GRIK4: variants seen among roughly 807,000 people sequenced by gnomAD.
The protein encoded by GRIK4 is glutamate ionotropic receptor kainate type subunit 4, also known as glutamate receptor ionotropic, kainate 4.
Under a neutral mutation model 104.9 loss-of-function variants are expected in GRIK4, and 40 were observed. The observed-to-expected ratio is 0.38, with a 90% CI of 0.30 to 0.50. GRIK4 has a LOEUF of 0.50. GRIK4 is among the 20% of genes least tolerant of loss of function. GRIK4 has a pLI of 0.93. For synonymous variants in GRIK4, 485 were observed against 524.9 expected (o/e 0.92, Z 1.04); for missense variants, 1,047 against 1,308.1 (o/e 0.80, Z 3.08).
intron 3 of GRIK4, among the ~76,000 whole-genome samples, chr11:120,702,256 T>C (rs1950565859): frequency 6.7e-6 from 1 of 148,288 alleles, no homozygotes; most frequent in Non-Finnish European, 1.5e-5. Flanking sequence ...GCCTGGCGAC[T>C]CCAAGGTTTT....
At chr11:120,528,778 T>C (rs1246413548) in intron 1 of GRIK4, among the ~76,000 whole-genome samples, 1 of 152,104 alleles carries the variant, frequency 6.6e-6, no homozygotes, top group East Asian at 1.9e-4. Flanking sequence ...ATGAGATCTC[T>C]CATGAGATGC....
At chr11:120,907,717 C>T (rs930219648) in intron 13 of GRIK4, among the ~76,000 whole-genome samples, 1 of 151,934 alleles carries the variant, frequency 6.6e-6, no homozygotes, top group African/African-American at 2.4e-5. Context: ...GAGTGGAAGG[C>T]GTTGTAGGAG....
intron 1 of GRIK4, among the ~76,000 whole-genome samples, chr11:120,585,795 G>C (rs1948655649): frequency 6.6e-6 from 1 of 150,774 alleles, no homozygotes; most frequent in African/African-American, 2.4e-5. Context: ...CCTTCCTCTA[G>C]ATACGTTTTT....
chr11:120,968,113 G>A (rs1944415601), intron 19 of GRIK4, among the ~76,000 whole-genome samples: 2 of 152,122 alleles, frequency 1.3e-5, no homozygotes. Context: ...ATATTTTATC[G>A]AAAGGATGAG....
intron 3 of GRIK4, among the ~76,000 whole-genome samples, chr11:120,689,632 T>C (rs563260030): frequency 7.9e-5 from 12 of 152,290 alleles, no homozygotes; most frequent in Admixed American, 7.2e-4. Flanking sequence ...CATCTTCACC[T>C]GATGAAAAGT....
chr11:120,911,079 G>A (rs1383279920), intron 13 of GRIK4, among the ~76,000 whole-genome samples: 1 of 152,138 alleles, frequency 6.6e-6, no homozygotes, highest in African/African-American at 2.4e-5. Flanking sequence ...GTGGGCAGCT[G>A]TCATTGATGA....
chr11:120,842,994 A>G lies in GRIK4; in HGVS notation c.744+6150A>G, dbSNP rs112822129. Among the ~76,000 whole-genome samples, 1,075 of 152,372 alleles carry G rather than the reference A, an allele frequency of 7.1e-3. 18 individuals are homozygous for G. The highest frequency in any genetic ancestry group is 0.025 in the African/African-American group (1,026 of 41,588). The stretch of plus-strand genomic sequence containing the variant: ...ACTGCCTAACAGAAAAGATAAGATC[A>G]CCCTAATCTATTATCAGAGAGCATA... On this transcript the variant is annotated intron_variant, in intron 8 of 20. Transcript: ENST00000527524.
At position 120,956,919 on chromosome 11, in the gene GRIK4, C is replaced by T. The variant is rs1478420685; in HGVS notation, c.1840C>T (p.Arg614Cys). 1.1e-5 allele frequency: 18 copies of T among 1,612,782 alleles called. No individual in the cohort carries two copies. Among genetic ancestry groups the T allele is most frequent in the Non-Finnish European group, 1.4e-5 (17 of 1,179,476 alleles). The change falls in exon 16 of 21, where the codon CGC becomes TGC. Residue 614 changes from arginine (R) to cysteine (C), a missense_variant. Physicochemically the swap from Arg to Cys is radical, Grantham distance 180. Coordinates refer to ENST00000527524, the MANE Select transcript of GRIK4 (RefSeq NM_014619.5). The surrounding 1 kb of genome is among the most constrained non-coding windows in gnomAD (Gnocchi z 4.6). ...FMQQGSTIAP[R>C]ALSTRCVSGV... is the part of the protein sequence containing the mutation. Reference sequence around the variant, plus strand: ...GCAGCAAGGCTCCACCATCGCCCCTCGCGCCTTATCCACCCGCTGTGTCAG... The same window carrying T: ...GCAGCAAGGCTCCACCATCGCCCCTTGCGCCTTATCCACCCGCTGTGTCAG...
intron 1 of GRIK4, among the ~76,000 whole-genome samples, chr11:120,525,511 G>A (rs1272152060): frequency 6.6e-6 from 1 of 152,186 alleles, no homozygotes; most frequent in African/African-American, 2.4e-5. Context: ...AAGCAGCCCT[G>A]TCCTCTGGGT....
chr11:120,581,698 A>G (rs1948582944), intron 1 of GRIK4, among the ~76,000 whole-genome samples: 1 of 151,928 alleles, frequency 6.6e-6, no homozygotes, highest in South Asian at 2.1e-4. Context: ...AGTTATCATA[A>G]TGTCCTCAAG....
chr11:120,905,601 T>G lies in GRIK4; in HGVS notation c.1476+108T>G. Reference sequence around the variant, plus strand: ...ACCCTCCATTTGTTCAGTCAATCATTCATGCATTTGTCATTTATTTGTCCA... The same window carrying G: ...ACCCTCCATTTGTTCAGTCAATCATGCATGCATTTGTCATTTATTTGTCCA... On this transcript the variant is annotated intron_variant, in intron 13 of 20. Coordinates refer to ENST00000527524, the MANE Select transcript of GRIK4 (RefSeq NM_014619.5). The surrounding 1 kb of genome is among the most constrained non-coding windows in gnomAD (Gnocchi z 5.1). 1.3e-6 allele frequency: 1 copy of G among 776,456 alleles called. No homozygotes were observed. Among genetic ancestry groups the G allele is most frequent in the South Asian group, 1.5e-5 (1 of 64,540 alleles). 48.1% of individuals were successfully genotyped at this position (776,456 alleles called of 1,614,324 possible). A position where few individuals can be genotyped will look rare whatever the true frequency, so the allele number is the denominator to read the frequency against.
In GRIK4 at chr11:120,953,357, TTGCCACAAAGGATC is replaced by T. The variant is rs1944053524; in HGVS notation, c.1700+404_1700+417del. Among the ~76,000 whole-genome samples, 2 of 151,750 alleles carry T rather than the reference TTGCCACAAAGGATC, an allele frequency of 1.3e-5. No individual in the cohort carries two copies. On this transcript the variant is annotated intron_variant, in intron 15 of 20. Coordinates refer to ENST00000527524, the MANE Select transcript of GRIK4 (RefSeq NM_014619.5). The surrounding 1 kb of genome is among the most constrained non-coding windows in gnomAD (Gnocchi z 4.9). ...CATTTGGCTGCCCTGGCATCAGTCATTGCCACAAAGGATCTGCCACAAAGTGCCGAATGACAAGG... is the reference window on the plus strand; with the variant it reads ...CATTTGGCTGCCCTGGCATCAGTCATTGCCACAAAGTGCCGAATGACAAGG...
chr11:120,676,350 G>A (rs1591794513), intron 3 of GRIK4, among the ~76,000 whole-genome samples: 1 of 152,278 alleles, frequency 6.6e-6, no homozygotes, highest in Middle Eastern at 3.4e-3. Context: ...AGCTCCTTTT[G>A]CCACGTGTCT....
intron 5 of GRIK4, among the ~76,000 whole-genome samples, chr11:120,817,610 C>A (rs931312144): frequency 3.9e-5 from 6 of 152,214 alleles, no homozygotes; most frequent in Non-Finnish European, 7.3e-5. Flanking sequence ...ATTCTGCTCA[C>A]CTCTTCTTGT....
chr11:120,689,415 A>T (rs115702677), intron 3 of GRIK4, among the ~76,000 whole-genome samples: 4 of 151,450 alleles, frequency 2.6e-5, no homozygotes, highest in African/African-American at 7.3e-5. Flanking sequence ...TGAAATACCA[A>T]CTCCTTAGTG....
chr11:120,738,930 G>A (rs527649596), intron 3 of GRIK4, among the ~76,000 whole-genome samples: 37 of 152,300 alleles, frequency 2.4e-4, no homozygotes, highest in Middle Eastern at 3.4e-3. Flanking sequence ...GGTAGGGAGC[G>A]GACTCTGGCT....
intron 1 of GRIK4, among the ~76,000 whole-genome samples, chr11:120,607,912 C>G (rs1009517418): frequency 6.6e-6 from 1 of 152,066 alleles, no homozygotes; most frequent in Non-Finnish European, 1.5e-5. Context: ...AGGTGAGACC[C>G]TGGATTCCAG....
rs1159524782 is a variant in GRIK4, at chr11:120,940,400, G to A, written c.1530G>A (p.Val510=). 6.2e-7 allele frequency: 1 copy of A among 1,613,866 alleles called. No homozygotes were observed. Among genetic ancestry groups the A allele is most frequent in the South Asian group, 1.1e-5 (1 of 91,072 alleles). Residue 510 remains valine (V), a synonymous_variant, in exon 14 of 21, where the codon GTG becomes GTA. Transcript: ENST00000527524. This position sits in a 1 kb window ranked among gnomAD's most constrained non-coding sequence, Gnocchi z 4.3. The part of the protein sequence containing the change: ...GLTITAEREK[V]IDFSKPFMTL... Reference sequence around the variant, plus strand: ...CCATTACAGCTGAACGGGAGAAGGTGATTGATTTCTCTAAGCCATTCATGA... The same window carrying A: ...CCATTACAGCTGAACGGGAGAAGGTAATTGATTTCTCTAAGCCATTCATGA...
intron 3 of GRIK4, among the ~76,000 whole-genome samples, chr11:120,676,794 T>C (rs1223258760): frequency 6.6e-6 from 1 of 152,176 alleles, no homozygotes; most frequent in Non-Finnish European, 1.5e-5. Flanking sequence ...ACAAACCATG[T>C]CCAAACCATA....
Sources: allele counts gnomAD v4.1 joint callset (sites outside exome capture counted in the v4.1 genomes callset), GRCh38; gene constraint gnomAD v4.1.1; non-coding constraint Gnocchi (gnomAD v3.1); transcripts MANE v1.5; gene names NCBI Gene and HGNC (gene_info 2026-07-23, HGNC 2026-07-21).